The following DDR2 variants were observed in gnomAD, a reference collection of about 807,000 sequenced individuals.
DDR2 encodes the protein discoidin domain receptor tyrosine kinase 2, also known as discoidin domain-containing receptor 2.
Under a neutral mutation model 94.9 loss-of-function variants are expected in DDR2, and 27 were observed. That is an observed-to-expected ratio of 0.28 (90% CI 0.21 to 0.39). The LOEUF (loss-of-function observed/expected upper bound fraction) is 0.39. DDR2 is among the 10% of genes least tolerant of loss of function. The pLI is 1.00. For synonymous variants in DDR2, 382 were observed against 377.2 expected (o/e 1.01, Z -0.15); for missense variants, 783 against 1,076.0 (o/e 0.73, Z 3.81).
rs574092695 is a variant in DDR2 at position 162,676,133 on chromosome 1, C to T, written c.-28+20759C>T. ...TGCAGTGTGTGGTAGTGCATTGGAA[C>T]GTGTGTGTGTTTACATGAGTGCAAG... On this transcript the variant is annotated intron_variant, in intron 2 of 17. Transcript: ENST00000367921. Among the ~76,000 whole-genome samples, 9 of 150,830 alleles carry T rather than the reference C, an allele frequency of 6.0e-5. No individual in the cohort carries two copies. The East Asian group carries it at 7.8e-4, about 13-fold the overall frequency.
At chr1:162,668,033 A>G (rs1489630145) in intron 2 of DDR2, among the ~76,000 whole-genome samples, 1 of 152,196 alleles carries the variant, frequency 6.6e-6, no homozygotes, top group Non-Finnish European at 1.5e-5. Flanking sequence ...GAGTGGGGGA[A>G]GAATTTAGAG....
At chr1:162,773,737 CT>C in intron 14 of DDR2, 141 bp downstream of exon 14, 1 of 1,175,932 alleles carries the variant, frequency 8.5e-7, no homozygotes, top group Non-Finnish European at 1.2e-6. Context: ...TATCCTTTTT[CT>C]TATTCCGATG....
intron 2 of DDR2, 67 bp from the exon 3 acceptor site, chr1:162,718,970 G>T: frequency 6.9e-7 from 1 of 1,458,424 alleles, no homozygotes; most frequent in Non-Finnish European, 9.6e-7. Flanking sequence ...ATTCATGTTG[G>T]CAGTATCTGC....
At chr1:162,698,082 C>G (rs1660267993) in intron 2 of DDR2, among the ~76,000 whole-genome samples, 1 of 152,208 alleles carries the variant, frequency 6.6e-6, no homozygotes, top group Non-Finnish European at 1.5e-5. Context: ...TCACTAATGT[C>G]TGCAGTTTAT....
intron 1 of DDR2, among the ~76,000 whole-genome samples, chr1:162,633,227 C>T (rs990141484): frequency 5.3e-5 from 8 of 152,132 alleles, no homozygotes; most frequent in Admixed American, 1.3e-4. Context: ...CCAGACTCAT[C>T]TCCTCGCTGG....
chr1:162,707,132 G>C (rs1424465033), intron 2 of DDR2, among the ~76,000 whole-genome samples: 2 of 152,272 alleles, frequency 1.3e-5, no homozygotes, highest in East Asian at 1.9e-4. Flanking sequence ...TATGGGGCTA[G>C]AGAGCCTTCA....
rs113207496 is a variant in DDR2 at position 162,759,678 on chromosome 1, C to T, written c.672-118C>T. On this transcript the variant is annotated intron_variant, in intron 7 of 17. Transcript: ENST00000367921. ...CTGATTATTTACAATCCTTCAATTC[C>T]AAGATAATAAGCTCATACAAAATCT... 1.2e-3 allele frequency: 1,377 copies of T among 1,173,856 alleles called. 13 individuals are homozygous for T. In the African/African-American group the frequency reaches 0.019, roughly 16 times the overall value. The allele number at this position is 1,173,856 out of a possible 1,614,324, so 72.7% of individuals were successfully genotyped here.
chr1:162,741,311 A>T (rs1408837577), intron 3 of DDR2, among the ~76,000 whole-genome samples: 1 of 131,692 alleles, frequency 7.6e-6, no homozygotes, highest in Non-Finnish European at 1.7e-5. Context: ...ATATAATATA[A>T]TATAATATAA....
At chr1:162,757,158 T>C (rs1368726410) in intron 7 of DDR2, among the ~76,000 whole-genome samples, 1 of 152,220 alleles carries the variant, frequency 6.6e-6, no homozygotes, top group African/African-American at 2.4e-5. Flanking sequence ...CTGGATTTCA[T>C]ATAATAAAAG....
At chr1:162,632,053 A>T (rs1346876715), upstream of DDR2, 1 of 151,912 alleles carries the variant, frequency 6.6e-6, no homozygotes, top group Non-Finnish European at 1.5e-5. Context: ...CTTCAATTGG[A>T]AAACTCCAAA....
chr1:162,782,575 AT>A lies in DDR2; in HGVS notation c.*2331del, dbSNP rs1647962927. ...GACTTGAACTCAGGACCTGCAGCCT[AT>A]TCTTCTTTATCCACATGTCTCTGGT... On this transcript the variant is annotated 3_prime_UTR_variant, in exon 18 of 18. Transcript: ENST00000367921. The A allele has an allele frequency of 1.3e-5, 2 of 151,910 alleles. No homozygotes were observed. Among genetic ancestry groups the A allele is most frequent in the Non-Finnish European group, 2.9e-5 (2 of 68,022 alleles). 9.4% of individuals were successfully genotyped at this position (151,910 alleles called of 1,614,324 possible). A position where few individuals can be genotyped will look rare whatever the true frequency, so the allele number is the denominator to read the frequency against.
rs376095252 is a variant in DDR2, at chr1:162,724,666, G to A, written c.82+5521G>A. On this transcript the variant is annotated intron_variant, in intron 3 of 17. Coordinates refer to ENST00000367921, the MANE Select transcript of DDR2 (RefSeq NM_006182.4). ...GTGTTCCCAGAGATGTGCTGAGAAG[G>A]TTTATGTGGCCTCATCTGTTAACGA... Among the ~76,000 whole-genome samples the A allele has an allele frequency of 7.3e-4, 111 of 152,260 alleles. No individual in the cohort carries two copies. In the South Asian group the frequency reaches 0.023, roughly 32 times the overall value.
At chr1:162,777,119 G>A (rs984964406) in intron 16 of DDR2, among the ~76,000 whole-genome samples, 2 of 152,064 alleles carry the variant, frequency 1.3e-5, no homozygotes, top group African/African-American at 4.8e-5. Context: ...TATAGGATTT[G>A]TAAATTAATT....
chr1:162,747,576 T>G (rs1000346392), intron 3 of DDR2, among the ~76,000 whole-genome samples: 1 of 151,786 alleles, frequency 6.6e-6, no homozygotes, highest in South Asian at 2.1e-4. Flanking sequence ...AAAACACTCT[T>G]CAGGGTATTA....
At chr1:162,778,963 C>G (rs961206934) in intron 17 of DDR2, among the ~76,000 whole-genome samples, 1 of 152,190 alleles carries the variant, frequency 6.6e-6, no homozygotes, top group Non-Finnish European at 1.5e-5. Flanking sequence ...AGGGTCATGT[C>G]AGGTTTCTCC....
intron 2 of DDR2, among the ~76,000 whole-genome samples, chr1:162,671,753 C>T (rs1658854929): frequency 6.6e-6 from 1 of 152,206 alleles, no homozygotes; most frequent in African/African-American, 2.4e-5. Context: ...CTCAAAGACA[C>T]AACATCTGTG....
intron 4 of DDR2, among the ~76,000 whole-genome samples, chr1:162,753,485 G>A (rs1663312449): frequency 6.6e-6 from 1 of 152,148 alleles, no homozygotes; most frequent in African/African-American, 2.4e-5. Context: ...TGCTTTCCCT[G>A]ACTTTCTCAT....
intron 3 of DDR2, chr1:162,741,443 A>G: frequency 3.1e-6 from 1 of 321,952 alleles, no homozygotes; most frequent in Non-Finnish European, 4.5e-6. Context: ...AGATTTTTGG[A>G]TTTGAGATAC....
intron 2 of DDR2, among the ~76,000 whole-genome samples, chr1:162,696,392 C>G (rs1344635174): frequency 6.6e-6 from 1 of 151,876 alleles, no homozygotes; most frequent in Admixed American, 6.6e-5. Context: ...CCATCTCCCC[C>G]TGAAAGGCCA....
Sources: allele counts gnomAD v4.1 joint callset (sites outside exome capture counted in the v4.1 genomes callset), GRCh38; gene constraint gnomAD v4.1.1; transcripts MANE v1.5; gene names NCBI Gene and HGNC (gene_info 2026-07-23, HGNC 2026-07-21).